Variants in CTNND2 observed in about 807,000 individuals in gnomAD.
CTNND2 encodes catenin delta-2.
In CTNND2, 22 loss-of-function variants were observed where a neutral mutation model predicts 144.4. The observed-to-expected ratio is 0.15, with a 90% CI of 0.11 to 0.22. CTNND2 has a LOEUF of 0.22. Among genes scored for constraint, CTNND2 ranks in the 10% least tolerant of loss-of-function variants. The pLI is 1.00. For synonymous variants in CTNND2, 751 were observed against 695.6 expected (o/e 1.08, Z -1.25); for missense variants, 1,353 against 1,618.8 (o/e 0.84, Z 2.82).
intron 3 of CTNND2, among the ~76,000 whole-genome samples, chr5:11,519,030 A>ACAC (rs57883384): frequency 7.2e-6 from 1 of 139,130 alleles, no homozygotes; most frequent in African/African-American, 2.8e-5. Flanking sequence ...CACACACACA[A>ACAC]ATTTAAGTAT....
chr5:11,679,452 T>C (rs750309261), intron 2 of CTNND2, among the ~76,000 whole-genome samples: 1 of 152,204 alleles, frequency 6.6e-6, no homozygotes, highest in Non-Finnish European at 1.5e-5. Context: ...TTTAGGCCCG[T>C]TATGCTGGAC....
At chr5:11,774,950 TTC>T (rs781561610) in intron 1 of CTNND2, among the ~76,000 whole-genome samples, 9 of 152,156 alleles carry the variant, frequency 5.9e-5, no homozygotes, top group Non-Finnish European at 1.0e-4. Flanking sequence ...AGCTTCTCAC[TTC>T]TTACATCCAA....
At chr5:11,370,630 ACTCT>A (rs959116880) in intron 7 of CTNND2, among the ~76,000 whole-genome samples, 1 of 152,132 alleles carries the variant, frequency 6.6e-6, no homozygotes, top group Admixed American at 6.5e-5. Flanking sequence ...ATAATCTATG[ACTCT>A]CTAATTTAAT....
At chr5:11,709,746 A>C (rs2126689267) in intron 2 of CTNND2, among the ~76,000 whole-genome samples, 1 of 152,354 alleles carries the variant, frequency 6.6e-6, no homozygotes, top group Admixed American at 6.5e-5. Context: ...AGTAAGTATA[A>C]GGTTGGACTC....
At chr5:11,184,305 T>C (rs1449759491) in intron 11 of CTNND2, among the ~76,000 whole-genome samples, 3 of 152,240 alleles carry the variant, frequency 2.0e-5, no homozygotes, top group Admixed American at 6.5e-5. Context: ...GTTAAGTATA[T>C]CTGGAAACCA....
chr5:11,270,503 ATT>A (rs931734806), intron 9 of CTNND2, among the ~76,000 whole-genome samples: 4 of 151,790 alleles, frequency 2.6e-5, no homozygotes, highest in Non-Finnish European at 5.9e-5. Context: ...TCACTGTAAT[ATT>A]TAGCCTGTGG....
intron 3 of CTNND2, among the ~76,000 whole-genome samples, chr5:11,540,657 G>C (rs1409397622): frequency 1.3e-5 from 2 of 152,122 alleles, no homozygotes; most frequent in African/African-American, 2.4e-5. Flanking sequence ...CTACAGGCGT[G>C]CATCACCACG....
chr5:11,292,632 C>T (rs934875464), intron 9 of CTNND2, among the ~76,000 whole-genome samples: 2 of 152,150 alleles, frequency 1.3e-5, no homozygotes, highest in African/African-American at 4.8e-5. Flanking sequence ...TACTGGCTTC[C>T]CTTTCTGCCA....
intron 1 of CTNND2, among the ~76,000 whole-genome samples, chr5:11,785,969 G>A (rs1320626407): frequency 6.6e-6 from 1 of 152,216 alleles, no homozygotes; most frequent in Non-Finnish European, 1.5e-5. Flanking sequence ...TCATGGAGGG[G>A]GGTCACACTG....
chr5:11,702,340 C>T (rs1236865047), intron 2 of CTNND2, among the ~76,000 whole-genome samples: 1 of 152,196 alleles, frequency 6.6e-6, no homozygotes, highest in Non-Finnish European at 1.5e-5. Flanking sequence ...GTGATGAACA[C>T]TGTTTAATTC....
intron 16 of CTNND2, among the ~76,000 whole-genome samples, chr5:11,063,499 G>A (rs1354692825): frequency 6.6e-6 from 1 of 151,990 alleles, no homozygotes; most frequent in Non-Finnish European, 1.5e-5. Context: ...TATAAATTTT[G>A]TTTGCAAAGA....
At chr5:11,427,288 T>C (rs924202797) in intron 3 of CTNND2, among the ~76,000 whole-genome samples, 2 of 149,026 alleles carry the variant, frequency 1.3e-5, no homozygotes, top group Non-Finnish European at 3.0e-5. Flanking sequence ...TTTTTTTTTT[T>C]TTTTTTTGAG....
chr5:11,758,538 T>C (rs558595658), intron 1 of CTNND2, among the ~76,000 whole-genome samples: 1 of 152,014 alleles, frequency 6.6e-6, no homozygotes, highest in Non-Finnish European at 1.5e-5. Flanking sequence ...CATCATATAG[T>C]ACCTTTTTAA....
intron 16 of CTNND2, among the ~76,000 whole-genome samples, chr5:11,068,204 G>T (rs1028404246): frequency 1.3e-5 from 2 of 152,160 alleles, no homozygotes; most frequent in Non-Finnish European, 2.9e-5. Flanking sequence ...TTTTATTTAT[G>T]ATGGATCTTA....
At chr5:11,133,251 T>C (rs1317228532) in intron 12 of CTNND2, among the ~76,000 whole-genome samples, 3 of 152,184 alleles carry the variant, frequency 2.0e-5, no homozygotes, top group Non-Finnish European at 4.4e-5. Flanking sequence ...AAGGGAAATA[T>C]TAGCACAGTC....
chr5:11,676,811 A>C (rs1176159696), intron 2 of CTNND2, among the ~76,000 whole-genome samples: 1 of 152,142 alleles, frequency 6.6e-6, no homozygotes, highest in Non-Finnish European at 1.5e-5. Context: ...TTGACTTCCA[A>C]ATCTCAAGCT....
At chr5:11,801,223 T>C (rs1372289696) in intron 1 of CTNND2, among the ~76,000 whole-genome samples, 3 of 152,208 alleles carry the variant, frequency 2.0e-5, no homozygotes, top group Admixed American at 6.5e-5. Context: ...AGGTTTTTTG[T>C]AAGTTTGCAC....
chr5:11,818,145 TAGGA>T (rs920262693), intron 1 of CTNND2, among the ~76,000 whole-genome samples: 10 of 151,968 alleles, frequency 6.6e-5, no homozygotes, highest in Non-Finnish European at 1.0e-4. Context: ...CTTGAAAAAT[TAGGA>T]AGGAAGGAAG....
chr5:11,732,403 A>T lies in CTNND2; in HGVS notation c.38-131T>A, dbSNP rs777684900. On this transcript the variant is annotated intron_variant, in intron 1 of 21. Transcript: ENST00000304623. ...AGCTGCTGAGAAAGACCAAGACATA[A>T]TTATAGAACGGGAGTAATACAGTAA... 268 of 766,210 alleles carry T rather than the reference A, an allele frequency of 3.5e-4. 1 individual carries two copies. The highest frequency in any genetic ancestry group is 5.0e-4 in the Non-Finnish European group (244 of 490,164). 47.5% of individuals were successfully genotyped at this position (766,210 alleles called of 1,614,324 possible). A position where few individuals can be genotyped will look rare whatever the true frequency, so the allele number is the denominator to read the frequency against.
Sources: allele counts gnomAD v4.1 joint callset (sites outside exome capture counted in the v4.1 genomes callset), GRCh38; gene constraint gnomAD v4.1.1; transcripts MANE v1.5; gene names NCBI Gene and HGNC (gene_info 2026-07-23, HGNC 2026-07-21).